The following GRID1 variants were observed in gnomAD, a reference collection of about 807,000 sequenced individuals.
The protein encoded by GRID1 is glutamate receptor ionotropic, delta-1.
Under a neutral mutation model 98.0 loss-of-function variants are expected in GRID1, and 28 were observed. That is an observed-to-expected ratio of 0.29 (90% CI 0.21 to 0.39). The LOEUF is 0.39. Among genes scored for constraint, GRID1 ranks in the 10% least tolerant of loss-of-function variants. GRID1 has a pLI of 1.00. For synonymous variants in GRID1, 553 were observed against 538.5 expected (o/e 1.03, Z -0.37); for missense variants, 1,111 against 1,340.5 (o/e 0.83, Z 2.67).
chr10:85,888,381 T>TG (rs892746763), intron 5 of GRID1, among the ~76,000 whole-genome samples: 4 of 152,252 alleles, frequency 2.6e-5, no homozygotes, highest in Non-Finnish European at 5.9e-5. Context: ...TGCTCAGTTC[T>TG]GGCAAACCCT....
intron 8 of GRID1, among the ~76,000 whole-genome samples, chr10:85,729,823 C>A (rs1165594339): frequency 6.6e-6 from 1 of 152,220 alleles, no homozygotes; most frequent in Non-Finnish European, 1.5e-5. Context: ...TCGCCTGGAT[C>A]TCTATAGAGC....
intron 12 of GRID1, among the ~76,000 whole-genome samples, chr10:85,670,990 T>A (rs1434610584): frequency 6.6e-6 from 1 of 152,168 alleles, no homozygotes; most frequent in Non-Finnish European, 1.5e-5. Flanking sequence ...CAATCCTCTT[T>A]TTCTAAAACC....
intron 2 of GRID1, among the ~76,000 whole-genome samples, chr10:86,340,538 G>A (rs1466112949): frequency 6.6e-6 from 1 of 152,172 alleles, no homozygotes; most frequent in African/African-American, 2.4e-5. Context: ...ATCAAGGGGT[G>A]GAGCCAAGCA....
chr10:86,045,245 T>C (rs1843406593), intron 4 of GRID1, among the ~76,000 whole-genome samples: 1 of 152,188 alleles, frequency 6.6e-6, no homozygotes, highest in Non-Finnish European at 1.5e-5. Flanking sequence ...TATGCAACTA[T>C]TAATGGCAGA....
At chr10:85,732,011 C>T (rs1320425843) in intron 8 of GRID1, among the ~76,000 whole-genome samples, 2 of 152,020 alleles carry the variant, frequency 1.3e-5, no homozygotes, top group African/African-American at 2.4e-5. Context: ...GAATTGGTTC[C>T]TACAGCTGGA....
intron 12 of GRID1, among the ~76,000 whole-genome samples, chr10:85,702,721 A>G (rs1485431249): frequency 1.3e-5 from 2 of 151,730 alleles, no homozygotes; most frequent in Non-Finnish European, 2.9e-5. Flanking sequence ...GAAAAAGGAA[A>G]AGGAGAACAA....
Position 85,705,415 on chromosome 10 carries a change from T to C in GRID1, c.1997+17588A>G, listed in dbSNP as rs564786415. Among the ~76,000 whole-genome samples the C allele has an allele frequency of 1.4e-3, 218 of 152,248 alleles. 1 individual carries two copies. The highest frequency in any genetic ancestry group is 4.4e-3 in the African/African-American group (184 of 41,530). ...CTCCCAAGACTAAACCAGGAAGAAG[T>C]TGAATCTCTGAATAGACCAATAACA... On this transcript the variant is annotated intron_variant, in intron 12 of 15. Transcript: ENST00000327946.
intron 6 of GRID1, among the ~76,000 whole-genome samples, chr10:85,858,001 G>C (rs968229675): frequency 6.6e-6 from 1 of 152,218 alleles, no homozygotes; most frequent in Admixed American, 6.5e-5. Flanking sequence ...CCAATAGGAG[G>C]TGCAAGGCAT....
intron 3 of GRID1, among the ~76,000 whole-genome samples, chr10:86,178,334 C>T (rs1845606931): frequency 6.6e-6 from 1 of 152,124 alleles, no homozygotes; most frequent in Admixed American, 6.5e-5. Flanking sequence ...CCCTGCCTGC[C>T]TATTTGCACA....
At chr10:86,110,863 T>G (rs1268880024) in intron 4 of GRID1, among the ~76,000 whole-genome samples, 1 of 152,254 alleles carries the variant, frequency 6.6e-6, no homozygotes, top group African/African-American at 2.4e-5. Context: ...CATGTGCTTA[T>G]TCAGTAAACA....
intron 8 of GRID1, among the ~76,000 whole-genome samples, chr10:85,850,112 G>A (rs1358950478): frequency 6.6e-6 from 1 of 152,132 alleles, no homozygotes; most frequent in Non-Finnish European, 1.5e-5. Context: ...TCGGGTGGAT[G>A]CCACCCACGG....
intron 15 of GRID1, among the ~76,000 whole-genome samples, chr10:85,612,155 G>C (rs1289796704): frequency 6.6e-6 from 1 of 152,124 alleles, no homozygotes; most frequent in East Asian, 1.9e-4. Context: ...AAGGAGCGAG[G>C]GACGCCCACC....
chr10:85,941,540 A>C (rs1037742151), intron 4 of GRID1, among the ~76,000 whole-genome samples: 4 of 152,210 alleles, frequency 2.6e-5, no homozygotes, highest in African/African-American at 9.7e-5. Context: ...ATATTTTCCA[A>C]ATTGCCTACA....
intron 2 of GRID1, among the ~76,000 whole-genome samples, chr10:86,229,458 G>A (rs1332093490): frequency 2.6e-5 from 4 of 152,288 alleles, no homozygotes; most frequent in South Asian, 2.1e-4. Context: ...TTGGCAAAAC[G>A]GGCTAATAAT....
chr10:85,661,169 A>G (rs370866107), intron 12 of GRID1, among the ~76,000 whole-genome samples: 3 of 137,138 alleles, frequency 2.2e-5, no homozygotes, highest in Non-Finnish European at 4.8e-5. Context: ...TTGAATCTGC[A>G]TTTTTTTTTT....
At chr10:85,713,631 T>A (rs1240835845) in intron 12 of GRID1, among the ~76,000 whole-genome samples, 1 of 141,078 alleles carries the variant, frequency 7.1e-6, no homozygotes, top group Non-Finnish European at 1.5e-5. Flanking sequence ...AATAGCACAT[T>A]AAAAAAAAAA....
chr10:85,799,701 C>T (rs572593949), intron 8 of GRID1, among the ~76,000 whole-genome samples: 1 of 151,864 alleles, frequency 6.6e-6, no homozygotes, highest in East Asian at 1.9e-4. Context: ...TAGTGGTTAC[C>T]AAAGTTGGGA....
chr10:85,945,075 G>A (rs1842039195), intron 4 of GRID1, among the ~76,000 whole-genome samples: 1 of 152,150 alleles, frequency 6.6e-6, no homozygotes, highest in Non-Finnish European at 1.5e-5. Context: ...AACTATGACT[G>A]CCAAGCATCC....
chr10:85,702,303 A>G (rs1293419471), intron 12 of GRID1, among the ~76,000 whole-genome samples: 1 of 152,078 alleles, frequency 6.6e-6, no homozygotes, highest in African/African-American at 2.4e-5. Flanking sequence ...AGTCATTAAT[A>G]TTGCTAAAAG....
Sources: allele counts gnomAD v4.1 joint callset (sites outside exome capture counted in the v4.1 genomes callset), GRCh38; gene constraint gnomAD v4.1.1; transcripts MANE v1.5; gene names NCBI Gene and HGNC (gene_info 2026-07-23, HGNC 2026-07-21).